The following RIMBP2 variants were observed in gnomAD, a reference collection of about 807,000 sequenced individuals.
The protein encoded by RIMBP2 is RIMS binding protein 2.
A neutral mutation model predicts 118.6 loss-of-function variants in RIMBP2; 48 were observed. That is an observed-to-expected ratio of 0.40 (90% confidence interval 0.32 to 0.51). The LOEUF is 0.51. Among genes scored for constraint, RIMBP2 ranks in the 20% least tolerant of loss-of-function variants. RIMBP2 has a pLI of 0.41. For missense variants in RIMBP2, 1,551 were observed against 1,768.3 expected (o/e 0.88, Z 2.20); for synonymous variants, 762 against 742.9 (o/e 1.03, Z -0.42).
At chr12:130,405,787 T>TTTTG (rs1433857951) in intron 21 of RIMBP2, among the ~76,000 whole-genome samples, 6 of 89,018 alleles carry the variant, frequency 6.7e-5, no homozygotes, top group African/African-American at 2.4e-4. Flanking sequence ...GTTTTGTTTT[T>TTTTG]GCTTATTTGT....
rs536334981 is a variant in RIMBP2 at position 130,543,502 on chromosome 12, G to T, written c.-216-25585C>A. The stretch of plus-strand genomic sequence containing the variant: ...ACTCAGGCCAGCAGAAAACAGAAAG[G>T]GTAGGTAGACCAGCAGGCTGAAGAG... On this transcript the variant is annotated intron_variant, in intron 2 of 22. Transcript: ENST00000690449. Among the ~76,000 whole-genome samples, 8 of 152,232 alleles carry T rather than the reference G, an allele frequency of 5.3e-5. No individual in the cohort carries two copies. In the East Asian group the frequency reaches 1.2e-3, roughly 22 times the overall value.
intron 1 of RIMBP2, among the ~76,000 whole-genome samples, chr12:130,635,594 AAGG>A (rs1379819949): frequency 2.6e-5 from 4 of 152,132 alleles, no homozygotes; most frequent in African/African-American, 9.7e-5. Flanking sequence ...CATCAGCAGG[AAGG>A]AGAAGCTCGA....
rs1337448312 is a variant in RIMBP2 at position 130,423,690 on chromosome 12, T to TC, written c.3129+451dup. Among the ~76,000 whole-genome samples the TC allele has an allele frequency of 3.8e-3, 429 of 113,798 alleles. 2 individuals are homozygous for TC. The highest frequency in any genetic ancestry group is 5.5e-3 in the South Asian group (21 of 3,816). 74.7% of individuals were successfully genotyped at this position (113,798 alleles called of 152,430 possible). ...AAAAAAAAAAAATAGATTTCTTCAA[T>TC]CTTTTTTTTTTTTTTTGGTTATAAA... On this transcript the variant is annotated intron_variant, in intron 16 of 22. Coordinates refer to ENST00000690449, the MANE Select transcript of RIMBP2 (RefSeq NM_001393629.1).
At chr12:130,597,875 G>T (rs1225344309) in intron 2 of RIMBP2, among the ~76,000 whole-genome samples, 2 of 152,176 alleles carry the variant, frequency 1.3e-5, no homozygotes, top group Non-Finnish European at 2.9e-5. Context: ...TTGTACTGGA[G>T]ATTTAAGCCA....
chr12:130,691,035 G>A (rs563413598), intron 1 of RIMBP2, among the ~76,000 whole-genome samples: 1 of 152,296 alleles, frequency 6.6e-6, no homozygotes, highest in African/African-American at 2.4e-5. Context: ...AGGAGGGAGA[G>A]GAGCAAATGG....
rs996811749 is a variant in RIMBP2, at chr12:130,396,535, A to G, written c.*826T>C. 2.0e-5 allele frequency: 3 copies of G among 152,638 alleles called. No homozygotes were observed. The highest frequency in any genetic ancestry group is 7.2e-5 in the African/African-American group (3 of 41,470). The allele number at this position is 152,638 out of a possible 1,614,324, so 9.5% of individuals were successfully genotyped here. On this transcript the variant is annotated 3_prime_UTR_variant, in exon 23 of 23. Coordinates refer to ENST00000690449, the MANE Select transcript of RIMBP2 (RefSeq NM_001393629.1). The stretch of plus-strand genomic sequence containing the variant: ...AGTCTGGTTTTGGTGTGGCTTATGC[A>G]TTATGTGGATTACTTGTGTGCCATT...
chr12:130,693,966 G>A (rs1217689785), intron 1 of RIMBP2, among the ~76,000 whole-genome samples: 1 of 152,180 alleles, frequency 6.6e-6, no homozygotes, highest in African/African-American at 2.4e-5. Flanking sequence ...AGGGAGCCCA[G>A]GTCCCTAAGG....
intron 1 of RIMBP2, among the ~76,000 whole-genome samples, chr12:130,699,613 G>A (rs1164373758): frequency 1.3e-5 from 2 of 151,426 alleles, no homozygotes; most frequent in African/African-American, 4.9e-5. Context: ...AGCGTTAGGA[G>A]ATATACCTAA....
At chr12:130,697,242 C>T (rs1405812654) in intron 1 of RIMBP2, among the ~76,000 whole-genome samples, 1 of 152,200 alleles carries the variant, frequency 6.6e-6, no homozygotes, top group Non-Finnish European at 1.5e-5. Flanking sequence ...ATTAATGTGG[C>T]CAGGTGCAGA....
intron 17 of RIMBP2, among the ~76,000 whole-genome samples, chr12:130,421,689 ATATG>A (rs891582231): frequency 1.5e-4 from 16 of 107,006 alleles, no homozygotes; most frequent in Admixed American, 4.8e-4. Context: ...CCCTGCATTT[ATATG>A]TGTGTGTGTG....
intron 1 of RIMBP2, among the ~76,000 whole-genome samples, chr12:130,643,331 AG>A (rs1189478461): frequency 2.0e-5 from 3 of 152,210 alleles, no homozygotes. Flanking sequence ...CTCCTGTGTC[AG>A]GGAGAGGTGA....
intron 11 of RIMBP2, among the ~76,000 whole-genome samples, chr12:130,440,264 G>A (rs527421255): frequency 2.0e-5 from 3 of 152,040 alleles, no homozygotes; most frequent in South Asian, 4.1e-4. Flanking sequence ...CACCATCCCC[G>A]GGCATGGCTA....
Position 130,436,851 on chromosome 12 carries a change from C to T in RIMBP2, c.2097G>A (p.Glu699=). ...GGAGCCCCAGCCTTACCCTGCTGCT[C>T]TCGGCCACCCTCTGCGCGGCCTCCC... The part of the protein sequence containing the change: ...MAREAAQRVA[E]SSRLEKRSVF... The change falls in exon 13 of 23, where the codon GAG becomes GAA. Residue 699 remains glutamate, a synonymous_variant. Coordinates refer to ENST00000690449, the MANE Select transcript of RIMBP2 (RefSeq NM_001393629.1). 1 of 1,461,530 alleles carries T rather than the reference C, an allele frequency of 6.8e-7. No homozygotes were observed. Among genetic ancestry groups the T allele is most frequent in the Non-Finnish European group, 9.0e-7 (1 of 1,107,796 alleles). The allele number at this position is 1,461,530 out of a possible 1,614,324, so 90.5% of individuals were successfully genotyped here. A position where few individuals can be genotyped will look rare whatever the true frequency, so the allele number is the denominator to read the frequency against.
At position 130,636,783 on chromosome 12, in the gene RIMBP2, G is replaced by A. The variant is rs150024841; in HGVS notation, c.-351-8327C>T. ...TATGAGGAGAAACCAAGTCCTGACA[G>A]CATTACTGCAGCCCCTGGATCAAGC... is the stretch of plus-strand genomic sequence containing the variant. On this transcript the variant is annotated intron_variant, in intron 1 of 22. Transcript: ENST00000690449. 4.2e-3 allele frequency among the ~76,000 whole-genome samples: 642 copies of A among 152,322 alleles called. 4 individuals carry two copies. The highest frequency in any genetic ancestry group is 0.015 in the African/African-American group (613 of 41,566).
chr12:130,533,860 G>A (rs756266391), intron 2 of RIMBP2, among the ~76,000 whole-genome samples: 14 of 152,134 alleles, frequency 9.2e-5, no homozygotes, highest in Admixed American at 2.0e-4. Flanking sequence ...GTGTCTCCAC[G>A]TGGACACAGA....
chr12:130,592,854 G>A (rs1353052343), intron 2 of RIMBP2, among the ~76,000 whole-genome samples: 2 of 152,130 alleles, frequency 1.3e-5, no homozygotes, highest in African/African-American at 2.4e-5. Flanking sequence ...GATGGACAGC[G>A]AGCTGGTGAG....
intron 5 of RIMBP2, among the ~76,000 whole-genome samples, chr12:130,473,959 G>A (rs1191994129): frequency 1.3e-5 from 2 of 152,210 alleles, no homozygotes; most frequent in Non-Finnish European, 2.9e-5. Context: ...AAGAGGAACT[G>A]TAGACCGAAG....
intron 4 of RIMBP2, among the ~76,000 whole-genome samples, chr12:130,502,804 A>G (rs535210196): frequency 1.3e-5 from 2 of 152,126 alleles, no homozygotes; most frequent in Non-Finnish European, 2.9e-5. Context: ...TGCTCAATCA[A>G]TCCTTGTGAA....
chr12:130,495,333 C>T (rs572896571), intron 4 of RIMBP2, among the ~76,000 whole-genome samples: 7 of 152,326 alleles, frequency 4.6e-5, no homozygotes, highest in Non-Finnish European at 7.4e-5. Context: ...TAGTGGCTCC[C>T]GCCTCAGTGC....
Sources: gnomAD v4.1 joint callset for allele counts (sites outside exome capture counted in the v4.1 genomes callset) on GRCh38, gnomAD v4.1.1 for gene constraint, MANE v1.5 for transcripts, NCBI Gene and HGNC (gene_info 2026-07-23, HGNC 2026-07-21) for gene names.